COX10: variants seen among roughly 807,000 people sequenced by gnomAD.
COX10 encodes cytochrome c oxidase assembly factor heme A:farnesyltransferase COX10, also known as protoheme IX farnesyltransferase, mitochondrial.
In COX10, 27 loss-of-function variants were observed where a neutral mutation model predicts 37.3. That is an observed-to-expected ratio of 0.72 (90% confidence interval 0.53 to 1.00). The LOEUF is 1.00. Among genes scored for constraint, COX10 ranks in the 50% least tolerant of loss-of-function variants. COX10 has a pLI of 0.00. For missense variants in COX10, 475 were observed against 563.2 expected (o/e 0.84, Z 1.59); for synonymous variants, 222 against 229.1 (o/e 0.97, Z 0.28).
At chr17:14,091,427 A>G (rs1446225848) in intron 3 of COX10, among the ~76,000 whole-genome samples, 1 of 152,232 alleles carries the variant, frequency 6.6e-6, no homozygotes, top group Admixed American at 6.5e-5. Flanking sequence ...TCATCTCAAA[A>G]GTATTTCTAA....
At chr17:14,130,949 A>T (rs1479727703) in intron 4 of COX10, among the ~76,000 whole-genome samples, 3 of 152,160 alleles carry the variant, frequency 2.0e-5, no homozygotes, top group African/African-American at 7.2e-5. Flanking sequence ...ACCATCACAA[A>T]GTAGGTCTTT....
chr17:14,135,762 A>G (rs117110733), intron 4 of COX10, among the ~76,000 whole-genome samples: 3,928 of 151,992 alleles, frequency 0.026, 97 homozygotes, highest in East Asian at 0.11. Context: ...TTAGATTTCA[A>G]CATTGCAATT....
At chr17:14,125,286 AG>A (rs1247554324) in intron 4 of COX10, among the ~76,000 whole-genome samples, 1 of 152,220 alleles carries the variant, frequency 6.6e-6, no homozygotes, top group Non-Finnish European at 1.5e-5. Flanking sequence ...CAACATTGCC[AG>A]CTTATTGATA....
At chr17:14,123,560 A>G (rs959695805) in intron 4 of COX10, among the ~76,000 whole-genome samples, 3 of 152,214 alleles carry the variant, frequency 2.0e-5, no homozygotes, top group African/African-American at 7.2e-5. Context: ...GATTAAAAGA[A>G]AAAGTTATAC....
intron 5 of COX10, chr17:14,177,030 A>G (rs1905713524): frequency 7.8e-6 from 3 of 386,268 alleles, no homozygotes; most frequent in South Asian, 1.3e-4. Flanking sequence ...AAAAAAATCA[A>G]TGCAATGACA....
chr17:14,200,328 C>T (rs182068468), intron 6 of COX10, among the ~76,000 whole-genome samples: 56 of 152,248 alleles, frequency 3.7e-4, no homozygotes, highest in African/African-American at 1.2e-3. Context: ...GAAATGATTG[C>T]GATTCTCCTC....
chr17:14,094,821 A>G (rs1915608259), intron 3 of COX10, among the ~76,000 whole-genome samples: 1 of 152,190 alleles, frequency 6.6e-6, no homozygotes, highest in Non-Finnish European at 1.5e-5. Flanking sequence ...AGCCCTTATT[A>G]TTTACCAGAC....
chr17:14,183,989 C>G (rs1303322039), intron 5 of COX10, among the ~76,000 whole-genome samples: 1 of 152,246 alleles, frequency 6.6e-6, no homozygotes, highest in Non-Finnish European at 1.5e-5. Flanking sequence ...CAAGTCAACA[C>G]TATGTGCTCA....
At chr17:14,140,368 T>C (rs1368582322) in intron 4 of COX10, among the ~76,000 whole-genome samples, 4 of 152,162 alleles carry the variant, frequency 2.6e-5, no homozygotes, top group African/African-American at 2.4e-5. Context: ...TTTTAATGAC[T>C]GCCTCATATT....
intron 6 of COX10, among the ~76,000 whole-genome samples, chr17:14,204,100 A>G (rs1906625248): frequency 6.6e-6 from 1 of 152,120 alleles, no homozygotes; most frequent in Non-Finnish European, 1.5e-5. Flanking sequence ...GCACTTTACT[A>G]CAATATCATT....
At chr17:14,195,414 T>C (rs1597546912) in intron 6 of COX10, among the ~76,000 whole-genome samples, 1 of 152,166 alleles carries the variant, frequency 6.6e-6, no homozygotes, top group East Asian at 1.9e-4. Context: ...AAATTTAAAT[T>C]TATACTAAAC....
intron 4 of COX10, among the ~76,000 whole-genome samples, chr17:14,143,209 T>G (rs1428686802): frequency 2.0e-5 from 3 of 152,200 alleles, no homozygotes; most frequent in Non-Finnish European, 4.4e-5. Flanking sequence ...CCAGTGTATT[T>G]CGGGTACTGA....
chr17:14,159,955 C>G lies in COX10; in HGVS notation c.695+8C>G. On this transcript the variant is annotated splice_region_variant and intron_variant, in intron 5 of 6. Transcript: ENST00000261643. The stretch of plus-strand genomic sequence containing the variant: ...GGTTCGTGGACAGATCAGGTAAAAT[C>G]ACGAATACAAGTGTCTTCCACATTA... The G allele has an allele frequency of 6.2e-7, 1 of 1,608,318 alleles. No homozygotes were observed. Among genetic ancestry groups the G allele is most frequent in the Non-Finnish European group, 8.5e-7 (1 of 1,176,376 alleles).
intron 6 of COX10, among the ~76,000 whole-genome samples, chr17:14,202,554 A>T (rs542067141): frequency 5.1e-4 from 78 of 152,230 alleles, no homozygotes; most frequent in African/African-American, 1.8e-3. Context: ...TGTTGTAAGG[A>T]TTCGAAAGCA....
At chr17:14,107,282 C>T (rs1324634574) in intron 4 of COX10, among the ~76,000 whole-genome samples, 6 of 151,944 alleles carry the variant, frequency 3.9e-5, no homozygotes, top group Non-Finnish European at 5.9e-5. Flanking sequence ...CTCAGGCAAA[C>T]GCTGGCCCAC....
At chr17:14,121,802 G>A (rs939575481) in intron 4 of COX10, among the ~76,000 whole-genome samples, 6 of 152,182 alleles carry the variant, frequency 3.9e-5, no homozygotes, top group African/African-American at 1.4e-4. Flanking sequence ...GGTAGTGAAT[G>A]CTTGCAAAGG....
chr17:14,192,888 G>A (rs2142263706), intron 6 of COX10, among the ~76,000 whole-genome samples: 1 of 152,126 alleles, frequency 6.6e-6, no homozygotes, highest in South Asian at 2.1e-4. Context: ...GAGGTTTCCT[G>A]CAATATATGT....
intron 6 of COX10, among the ~76,000 whole-genome samples, chr17:14,193,187 C>T (rs3020878): frequency 0.05 from 7,656 of 152,206 alleles, 185 homozygotes; most frequent in Middle Eastern, 0.082. Flanking sequence ...GTCAGCAAAG[C>T]GGTGGTGAGC....
Position 14,074,410 on chromosome 17 carries a change from A to AT in COX10, c.132dup (p.Lys45Ter). 1 of 1,613,986 alleles carries AT rather than the reference A, an allele frequency of 6.2e-7. No homozygotes were observed. The highest frequency in any genetic ancestry group is 8.5e-7 in the Non-Finnish European group (1 of 1,179,852). On this transcript the variant is annotated frameshift_variant, in exon 2 of 7. Coordinates refer to ENST00000261643, the MANE Select transcript of COX10 (RefSeq NM_001303.4). LOFTEE classifies it high-confidence loss of function. Reference sequence around the variant, plus strand: ...TTCTTACATCTTCTCAGGAATGTCAATAAGCAGTGGATTACATTTCAGCAC... The same window carrying AT: ...TTCTTACATCTTCTCAGGAATGTCAATTAAGCAGTGGATTACATTTCAGCAC...
Sources: allele counts gnomAD v4.1 joint callset (sites outside exome capture counted in the v4.1 genomes callset), GRCh38; gene constraint gnomAD v4.1.1; transcripts MANE v1.5; gene names NCBI Gene and HGNC (gene_info 2026-07-23, HGNC 2026-07-21).